NRG3: variants seen among roughly 807,000 people sequenced by gnomAD.
The protein encoded by NRG3 is neuregulin 3.
NRG3 carries 31 observed loss-of-function variants against 66.9 expected under a neutral mutation model. The ratio of observed to expected loss-of-function variants is 0.46; its 90% CI spans 0.35 to 0.63. NRG3 has a LOEUF of 0.63. NRG3 is among the 20% of genes least tolerant of loss of function. NRG3 has a pLI of 0.00. For missense variants in NRG3, 910 were observed against 878.9 expected, an observed-to-expected ratio of 1.04 and a Z score of -0.45; for synonymous variants, 393 against 359.4, an observed-to-expected ratio of 1.09 and a Z score of -1.06.
chr10:82,556,100 C>T (rs1003506614), intron 2 of NRG3, among the ~76,000 whole-genome samples: 1 of 152,152 alleles, frequency 6.6e-6, no homozygotes, highest in Non-Finnish European at 1.5e-5. Context: ...TGATGATGTT[C>T]TCCTATTTAA....
intron 2 of NRG3, among the ~76,000 whole-genome samples, chr10:82,678,753 GTT>G (rs113704348): frequency 2.0e-5 from 3 of 151,308 alleles, no homozygotes; most frequent in African/African-American, 7.3e-5. Flanking sequence ...CATTACCAGA[GTT>G]TTTTTTTGCC....
chr10:82,126,417 G>C (rs1048893910), intron 1 of NRG3, among the ~76,000 whole-genome samples: 1 of 151,920 alleles, frequency 6.6e-6, no homozygotes, highest in East Asian at 1.9e-4. Context: ...ACAAAAGCTG[G>C]GTGGTTATGA....
intron 2 of NRG3, among the ~76,000 whole-genome samples, chr10:82,443,176 G>A (rs1242116725): frequency 6.6e-6 from 1 of 151,606 alleles, no homozygotes; most frequent in East Asian, 2.0e-4. Context: ...AAAGCCCTGG[G>A]ACAACTTCTG....
intron 2 of NRG3, among the ~76,000 whole-genome samples, chr10:82,374,506 A>G (rs2085084921): frequency 6.6e-6 from 1 of 152,236 alleles, no homozygotes; most frequent in Admixed American, 6.5e-5. Flanking sequence ...CTGGGACCCA[A>G]TAATCACGCA....
rs1841530589 is a variant in NRG3, at chr10:81,875,433, G to GGCA, written c.96_98dup (p.Ala34dup). The GGCA allele has an allele frequency of 8.7e-7, 1 of 1,144,738 alleles. No homozygotes were observed. Among genetic ancestry groups the GGCA allele is most frequent in the Non-Finnish European group, 1.1e-6 (1 of 933,252 alleles). 70.9% of individuals were successfully genotyped at this position (1,144,738 alleles called of 1,614,324 possible). On this transcript the variant is annotated inframe_insertion, in exon 1 of 9. Coordinates refer to ENST00000372141, the MANE Select transcript of NRG3 (RefSeq NM_001010848.4). This position sits in a 1 kb window ranked among gnomAD's most constrained non-coding sequence, Gnocchi z 5.3. Reference sequence around the variant, plus strand: ...AGGGCACCGCGGCGGCTGCGGCGGCGGCAGCGGCGGGCGGGGGCCCGGACG... The same window carrying GGCA: ...AGGGCACCGCGGCGGCTGCGGCGGCGGCAGCAGCGGCGGGCGGGGGCCCGGACG...
chr10:81,961,675 C>T (rs1850377201), intron 1 of NRG3, among the ~76,000 whole-genome samples: 1 of 151,786 alleles, frequency 6.6e-6, no homozygotes, highest in Non-Finnish European at 1.5e-5. Context: ...AAGGAAACAG[C>T]TTTAACTGTG....
At chr10:82,067,021 GT>G (rs5786528) in intron 1 of NRG3, among the ~76,000 whole-genome samples, 122,401 of 152,046 alleles carry the variant, frequency 0.81, 49,380 homozygotes, top group South Asian at 0.86. Context: ...ATATACAAAA[GT>G]TAAGAGGCTT....
intron 4 of NRG3, among the ~76,000 whole-genome samples, chr10:82,948,018 CT>C (rs1432842844): frequency 6.6e-6 from 1 of 151,700 alleles, no homozygotes; most frequent in Non-Finnish European, 1.5e-5. Context: ...AGATTTTTTC[CT>C]ATGTTTTCTT....
rs1195754893 is a variant in NRG3 at position 82,368,707 on chromosome 10, A to G, written c.953+9839A>G. 6.5e-5 allele frequency among the ~76,000 whole-genome samples: 9 copies of G among 138,430 alleles called. 3 individuals carry two copies. The highest frequency in any genetic ancestry group is 3.0e-4 in the African/African-American group (9 of 29,780). The allele number at this position is 138,430 out of a possible 152,430, so 90.8% of individuals were successfully genotyped here. A position where few individuals can be genotyped will look rare whatever the true frequency, so the allele number is the denominator to read the frequency against. On this transcript the variant is annotated intron_variant, in intron 2 of 8. Transcript: ENST00000372141. ...GAGAGAGAATTATGCAATATTTTGTATCCCAGATAAAATTATATAGTTTAA... is the reference window on the plus strand; with the variant it reads ...GAGAGAGAATTATGCAATATTTTGTGTCCCAGATAAAATTATATAGTTTAA...
chr10:81,923,548 G>A (rs540764021), intron 1 of NRG3, among the ~76,000 whole-genome samples: 3 of 152,212 alleles, frequency 2.0e-5, no homozygotes, highest in East Asian at 1.9e-4. Flanking sequence ...GCCTTCATGC[G>A]CTGACTCCAG....
intron 2 of NRG3, among the ~76,000 whole-genome samples, chr10:82,601,987 A>T (rs2047667371): frequency 6.6e-6 from 1 of 150,446 alleles, no homozygotes; most frequent in South Asian, 2.1e-4. Context: ...AGGAGCAAAG[A>T]TGGGAGGGTT....
At chr10:82,214,913 C>T (rs184235359) in intron 1 of NRG3, among the ~76,000 whole-genome samples, 17 of 152,252 alleles carry the variant, frequency 1.1e-4, no homozygotes, top group Non-Finnish European at 1.6e-4. Context: ...CTGTTTTTTC[C>T]AGCTATGGCA....
intron 2 of NRG3, among the ~76,000 whole-genome samples, chr10:82,400,543 A>G (rs1256843680): frequency 1.3e-5 from 2 of 151,516 alleles, no homozygotes; most frequent in African/African-American, 4.9e-5. Context: ...GAGGTGAAGT[A>G]ACTCGGTCAA....
intron 2 of NRG3, among the ~76,000 whole-genome samples, chr10:82,439,367 A>C (rs1429375527): frequency 7.0e-6 from 1 of 142,604 alleles, no homozygotes; most frequent in Non-Finnish European, 1.5e-5. Flanking sequence ...AATAAATTTT[A>C]TACTTTAAAA....
At chr10:82,005,985 A>C (rs922076715) in intron 1 of NRG3, among the ~76,000 whole-genome samples, 1 of 151,740 alleles carries the variant, frequency 6.6e-6, no homozygotes, top group Non-Finnish European at 1.5e-5. Flanking sequence ...GAGTTTTTTT[A>C]GCATACAAAC....
At chr10:82,017,020 G>A (rs2132694823) in intron 1 of NRG3, among the ~76,000 whole-genome samples, 1 of 152,228 alleles carries the variant, frequency 6.6e-6, no homozygotes, top group South Asian at 2.1e-4. Context: ...GTGCCATGTT[G>A]GTGTGCTGCA....
At chr10:82,717,138 A>T (rs55867423) in intron 2 of NRG3, among the ~76,000 whole-genome samples, 23 of 152,264 alleles carry the variant, frequency 1.5e-4, no homozygotes, top group Non-Finnish European at 2.6e-4. Context: ...TAAAGAAAAA[A>T]ATACAATACC....
At chr10:82,627,730 C>A (rs1468483685) in intron 2 of NRG3, among the ~76,000 whole-genome samples, 5 of 152,160 alleles carry the variant, frequency 3.3e-5, no homozygotes, top group African/African-American at 1.2e-4. Context: ...TCCCTTCCCC[C>A]TCCACTGTTA....
At chr10:82,767,122 A>C (rs2059545619) in intron 3 of NRG3, among the ~76,000 whole-genome samples, 1 of 151,640 alleles carries the variant, frequency 6.6e-6, no homozygotes, top group African/African-American at 2.4e-5. Flanking sequence ...ATTTCCTTTC[A>C]GTATAGCTTC....
Sources: gnomAD v4.1 joint callset for allele counts (sites outside exome capture counted in the v4.1 genomes callset) on GRCh38, gnomAD v4.1.1 for gene constraint, Gnocchi (gnomAD v3.1) non-coding constraint, MANE v1.5 for transcripts, NCBI Gene and HGNC (gene_info 2026-07-23, HGNC 2026-07-21) for gene names.